KANK1: variants seen among roughly 807,000 people sequenced by gnomAD.
KANK1 encodes KN motif and ankyrin repeat domain-containing protein 1.
KANK1 carries 109 observed loss-of-function variants against 106.2 expected under a neutral mutation model. The ratio of observed to expected loss-of-function variants is 1.03; its 90% CI spans 0.88 to 1.20. The LOEUF is 1.20. KANK1 is among the 50% of genes most tolerant of loss of function. KANK1 has a pLI of 0.00. For missense variants in KANK1, 2,399 were observed against 1,710.7 expected, an observed-to-expected ratio of 1.40 and a Z score of -7.10; for synonymous variants, 873 against 652.2, an observed-to-expected ratio of 1.34 and a Z score of -5.16.
chr9:624,385 C>T (rs1023288851), intron 1 of KANK1, among the ~76,000 whole-genome samples: 3 of 152,094 alleles, frequency 2.0e-5, no homozygotes, highest in Non-Finnish European at 4.4e-5. Context: ...TTATGGGAAT[C>T]AATATGCAAT....
intron 2 of KANK1, among the ~76,000 whole-genome samples, chr9:691,136 A>G (rs1221056376): frequency 6.6e-6 from 1 of 152,162 alleles, no homozygotes; most frequent in Non-Finnish European, 1.5e-5. Flanking sequence ...AGGACTAGGC[A>G]TTTATTTGCA....
chr9:619,409 G>A (rs553485823), intron 1 of KANK1, among the ~76,000 whole-genome samples: 14 of 152,158 alleles, frequency 9.2e-5, no homozygotes, highest in Non-Finnish European at 1.9e-4. Flanking sequence ...TTCTTGGGAT[G>A]GGTAGAGTAT....
At chr9:604,956 T>C (rs1415775006) in intron 1 of KANK1, among the ~76,000 whole-genome samples, 1 of 151,932 alleles carries the variant, frequency 6.6e-6, no homozygotes, top group Non-Finnish European at 1.5e-5. Context: ...GAAAATGGAC[T>C]AATGCAATTG....
rs534430246 is a variant in KANK1 at position 670,537 on chromosome 9, C to A, written c.-83-6353C>A. Among the ~76,000 whole-genome samples the A allele has an allele frequency of 2.2e-3, 342 of 152,222 alleles. 1 individual carries two copies. The highest frequency in any genetic ancestry group is 4.1e-3 in the Non-Finnish European group (277 of 68,014). On this transcript the variant is annotated intron_variant, in intron 1 of 11. Coordinates refer to ENST00000382297, the MANE Select transcript of KANK1 (RefSeq NM_015158.5). ...ATGGGGGAGGTTGCAAAGGAGCTATCCCTGTGGTATGGAAAGGCTGGCTAG... is the reference window on the plus strand; with the variant it reads ...ATGGGGGAGGTTGCAAAGGAGCTATACCTGTGGTATGGAAAGGCTGGCTAG...
chr9:670,504 T>C (rs1372777853), intron 1 of KANK1, among the ~76,000 whole-genome samples: 1 of 152,178 alleles, frequency 6.6e-6, no homozygotes, highest in Non-Finnish European at 1.5e-5. Context: ...GAGGATTGCC[T>C]GGCTGGAATG....
At chr9:661,082 T>C (rs968841295) in intron 1 of KANK1, among the ~76,000 whole-genome samples, 4 of 45,820 alleles carry the variant, frequency 8.7e-5, no homozygotes, top group African/African-American at 3.6e-4. Context: ...TTTTGAGGTT[T>C]GTTTGTTTTT....
chr9:621,033 G>C (rs1833026917), intron 1 of KANK1, among the ~76,000 whole-genome samples: 1 of 151,906 alleles, frequency 6.6e-6, no homozygotes, highest in Non-Finnish European at 1.5e-5. Context: ...TCTTTTTTAG[G>C]GGATAAATTG....
At chr9:621,209 A>G (rs1273018691) in intron 1 of KANK1, among the ~76,000 whole-genome samples, 1 of 152,204 alleles carries the variant, frequency 6.6e-6, no homozygotes, top group East Asian at 1.9e-4. Context: ...ACTGATAGCT[A>G]TCACATAACA....
chr9:671,512 A>AGTCCCAGCTAATCG (rs1845899059), intron 1 of KANK1, among the ~76,000 whole-genome samples: 1 of 5,278 alleles, frequency 1.9e-4, no homozygotes, highest in Admixed American at 1.7e-3. Flanking sequence ...GACGTGGTGG[A>AGTCCCAGCTAATCG]GGCTGAGGCA....
intron 1 of KANK1, among the ~76,000 whole-genome samples, chr9:614,408 A>C (rs1019555911): frequency 6.6e-6 from 1 of 152,130 alleles, no homozygotes; most frequent in African/African-American, 2.4e-5. Context: ...TAAATGAAAA[A>C]GATTTATTTT....
At chr9:532,148 C>A (rs2060085069) in intron 1 of KANK1, among the ~76,000 whole-genome samples, 1 of 152,024 alleles carries the variant, frequency 6.6e-6, no homozygotes, top group African/African-American at 2.4e-5. Flanking sequence ...GGACTTGGGC[C>A]CCACTTAGGC....
chr9:683,029 C>T (rs1340459562), intron 2 of KANK1, among the ~76,000 whole-genome samples: 2 of 152,160 alleles, frequency 1.3e-5, no homozygotes, highest in Non-Finnish European at 2.9e-5. Context: ...GACTAGTTTG[C>T]AGTGACTGGT....
chr9:622,588 T>C (rs2136442032), intron 1 of KANK1, among the ~76,000 whole-genome samples: 1 of 152,168 alleles, frequency 6.6e-6, no homozygotes, highest in South Asian at 2.1e-4. Flanking sequence ...TATACAAAAA[T>C]CAACTTGAAA....
chr9:471,266 G>A (rs10974658), intron 2 of KANK1, among the ~76,000 whole-genome samples: 2 of 152,198 alleles, frequency 1.3e-5, no homozygotes, highest in African/African-American at 4.8e-5. Context: ...GGAATGTGCA[G>A]GAAGGGACCG....
intron 3 of KANK1, among the ~76,000 whole-genome samples, chr9:487,180 G>A (rs997903042): frequency 6.6e-6 from 1 of 152,158 alleles, no homozygotes; most frequent in East Asian, 1.9e-4. Flanking sequence ...AATACAGACA[G>A]TTCCCAACTT....
At chr9:741,134 C>G (rs981136730) in intron 9 of KANK1, among the ~76,000 whole-genome samples, 200 bp downstream of exon 9, 7 of 152,220 alleles carry the variant, frequency 4.6e-5, no homozygotes, top group African/African-American at 1.7e-4. Flanking sequence ...AAATTTCACA[C>G]TGGAAACTTC....
intron 1 of KANK1, among the ~76,000 whole-genome samples, chr9:586,748 A>T (rs80338336): frequency 6.6e-6 from 1 of 152,318 alleles, no homozygotes; most frequent in African/African-American, 2.4e-5. Context: ...TGAGGGATCC[A>T]GCGCTTTTCT....
At chr9:628,481 A>G (rs1308155651) in intron 1 of KANK1, among the ~76,000 whole-genome samples, 2 of 152,178 alleles carry the variant, frequency 1.3e-5, no homozygotes, top group African/African-American at 4.8e-5. Flanking sequence ...TATACATCTT[A>G]AAGTTGCCAT....
intron 1 of KANK1, among the ~76,000 whole-genome samples, chr9:583,803 A>G (rs1448327277): frequency 2.0e-5 from 3 of 151,988 alleles, no homozygotes; most frequent in Non-Finnish European, 4.4e-5. Flanking sequence ...GATCAATAAG[A>G]TGAACACAGT....
Sources: gnomAD v4.1 joint callset for allele counts (sites outside exome capture counted in the v4.1 genomes callset) on GRCh38, gnomAD v4.1.1 for gene constraint, MANE v1.5 for transcripts, NCBI Gene and HGNC (gene_info 2026-07-23, HGNC 2026-07-21) for gene names.